The following CHPF2 variants were observed in gnomAD, a reference collection of about 807,000 sequenced individuals.
CHPF2 encodes chondroitin polymerizing factor 2, also known as chondroitin polymerizing factor 2, non-catalytic subunit.
Under a neutral mutation model 63.0 loss-of-function variants are expected in CHPF2, and 58 were observed. The observed-to-expected ratio is 0.92, with a 90% CI of 0.75 to 1.15. The LOEUF (loss-of-function observed/expected upper bound fraction) is 1.15, where lower values mean the gene tolerates loss of function less well. CHPF2 is among the 50% of genes most tolerant of loss of function. The pLI is 0.00. For missense variants in CHPF2, 1,045 were observed against 1,035.4 expected (o/e 1.01, Z -0.13); for synonymous variants, 442 against 438.0 (o/e 1.01, Z -0.11).
rs764713631 is a variant in CHPF2 at position 151,237,968 on chromosome 7, C to T, written c.1606C>T (p.Arg536Cys). ...GGTCTACGGGCCACGAGAAGGTGGC[C>T]GTGGAGCTCCAGACCCATTTCTTGG... ...LLVYGPREGGRGAPDPFLGVK... is the reference protein window; with the variant it reads ...LLVYGPREGGCGAPDPFLGVK... The change falls in exon 4 of 4, where the codon CGT becomes TGT. Residue 536 changes from arginine (R) to cysteine (C), a missense_variant. Coordinates refer to ENST00000035307, the MANE Select transcript of CHPF2 (RefSeq NM_019015.3). The T allele has an allele frequency of 8.1e-6, 13 of 1,613,050 alleles. No individual in the cohort carries two copies. Among genetic ancestry groups the T allele is most frequent in the South Asian group, 3.3e-5 (3 of 91,090 alleles).
Position 151,235,171 on chromosome 7 carries a change from T to A in CHPF2, c.387T>A (p.Pro129=). 6.2e-7 allele frequency: 1 copy of A among 1,613,382 alleles called. No homozygotes were observed. Among genetic ancestry groups the A allele is most frequent in the Non-Finnish European group, 8.5e-7 (1 of 1,179,694 alleles). Reference sequence around the variant, plus strand: ...ACCGTACGGTGGCCCATCACTTCCCTCGGTTACTCTACTTCACTGGGCAGC... The same window carrying A: ...ACCGTACGGTGGCCCATCACTTCCCACGGTTACTCTACTTCACTGGGCAGC... ...AVNRTVAHHF[P]RLLYFTGQRG... The change falls in exon 2 of 4, where the codon CCT becomes CCA. Residue 129 remains proline, a synonymous_variant. Coordinates refer to ENST00000035307, the MANE Select transcript of CHPF2 (RefSeq NM_019015.3).
At position 151,238,422 on chromosome 7, in the gene CHPF2, C is replaced by T. The variant is rs751797071; in HGVS notation, c.2060C>T (p.Ala687Val). The change falls in exon 4 of 4, where the codon GCA becomes GTA. Residue 687 changes from alanine (A) to valine (V), a missense_variant. Ala to Val is a moderately conservative substitution (Grantham distance 64, BLOSUM62 0). Transcript: ENST00000035307. ...ADYLAARARL[A>V]GELAGQEEEE... ...TACCTGGCGGCCCGAGCCCGGCTGG[C>T]AGGTGAACTGGCAGGCCAGGAAGAG... The T allele has an allele frequency of 3.1e-6, 5 of 1,594,804 alleles. No homozygotes were observed. In the Admixed American group the frequency reaches 5.2e-5, roughly 17 times the overall value.
chr7:151,233,553 T>C lies in CHPF2; in HGVS notation c.-459T>C, dbSNP rs1802536499. The C allele has an allele frequency of 1.0e-6, 1 of 986,554 alleles. No individual in the cohort carries two copies. Among genetic ancestry groups the C allele is most frequent in the African/African-American group, 1.7e-5 (1 of 57,302 alleles). The allele number at this position is 986,554 out of a possible 1,614,324, so 61.1% of individuals were successfully genotyped here. ...AAGGCCCACTGAGGCAGGCTCCGGC[T>C]CCTCTGGTTGGGGCTGTTGTTTTGA... On this transcript the variant is annotated 5_prime_UTR_variant, in exon 1 of 4. Coordinates refer to ENST00000035307, the MANE Select transcript of CHPF2 (RefSeq NM_019015.3).
At position 151,235,381 on chromosome 7, in the gene CHPF2, C is replaced by T; in HGVS notation, c.597C>T (p.Leu199=). 1.9e-6 allele frequency: 3 copies of T among 1,613,710 alleles called. No homozygotes were observed. Among genetic ancestry groups the T allele is most frequent in the Non-Finnish European group, 2.5e-6 (3 of 1,180,042 alleles). ...APRLAALAGH[L]SINQDLYLGR... ...GCCTGGCAGCCCTTGCTGGCCACCTCAGCATCAACCAAGACCTGTACTTAG... is the reference window on the plus strand; with the variant it reads ...GCCTGGCAGCCCTTGCTGGCCACCTTAGCATCAACCAAGACCTGTACTTAG... The change falls in exon 2 of 4, where the codon CTC becomes CTT. Residue 199 remains leucine, a synonymous_variant. Transcript: ENST00000035307.
At position 151,236,489 on chromosome 7, in the gene CHPF2, G is replaced by A. The variant is rs138616070; in HGVS notation, c.910G>A (p.Ala304Thr). 8 of 1,611,172 alleles carry A rather than the reference G, an allele frequency of 5.0e-6. No homozygotes were observed. Among genetic ancestry groups the A allele is most frequent in the Middle Eastern group, 1.6e-4 (1 of 6,072 alleles). Residue 304 changes from alanine to threonine, a missense_variant, in exon 3 of 4, where the codon GCC becomes ACC. Coordinates refer to ENST00000035307, the MANE Select transcript of CHPF2 (RefSeq NM_019015.3). ...GAGCTCGGCTTTCCTGAGTGCCTTC[G>A]CCGTGCACCCTGTCTCCGAAGGTAC... ...EGSSAFLSAF[A>T]VHPVSEGTLM...
rs925294842 is a variant in CHPF2 at position 151,232,536 on chromosome 7, C to T, written c.-1476C>T. 1.6e-5 allele frequency: 8 copies of T among 508,372 alleles called. No individual in the cohort carries two copies. Among genetic ancestry groups the T allele is most frequent in the Non-Finnish European group, 2.4e-5 (7 of 290,488 alleles). 31.5% of individuals were successfully genotyped at this position (508,372 alleles called of 1,614,324 possible). A position where few individuals can be genotyped will look rare whatever the true frequency, so the allele number is the denominator to read the frequency against. ...GTGGCAGCGGCTGCAGCGGCGGAGC[C>T]GGCGCCTCAGCGGGCACTGGGGTCT... On this transcript the variant is annotated 5_prime_UTR_variant, in exon 1 of 4. Coordinates refer to ENST00000035307, the MANE Select transcript of CHPF2 (RefSeq NM_019015.3).
chr7:151,233,883 C>T lies in CHPF2; in HGVS notation c.-129C>T, dbSNP rs187857941. On this transcript the variant is annotated 5_prime_UTR_variant, in exon 1 of 4. Transcript: ENST00000035307. ...GTCCTGGAAGCCAGCGGGCCTCGCT[C>T]TGTCTTTGGCCTCATTGACCCCAGG... is the stretch of plus-strand genomic sequence containing the variant. The T allele has an allele frequency of 5.4e-6, 7 of 1,308,006 alleles. No individual in the cohort carries two copies. In the Admixed American group the frequency reaches 2.0e-4, roughly 37 times the overall value. The allele number at this position is 1,308,006 out of a possible 1,614,324, so 81.0% of individuals were successfully genotyped here.
Position 151,232,630 on chromosome 7 carries a change from C to T in CHPF2, c.-1382C>T. On this transcript the variant is annotated 5_prime_UTR_variant, in exon 1 of 4. Transcript: ENST00000035307. ...ACGCCGCTCTTGGTCCCCACGCCTC[C>T]GCCCCGCCCCCTCCCGGGACGCCGG... 2.2e-6 allele frequency: 2 copies of T among 891,642 alleles called. No individual in the cohort carries two copies. The highest frequency in any genetic ancestry group is 1.8e-5 in the African/African-American group (1 of 55,984). 55.2% of individuals were successfully genotyped at this position (891,642 alleles called of 1,614,324 possible). A position where few individuals can be genotyped will look rare whatever the true frequency, so the allele number is the denominator to read the frequency against.
Position 151,237,739 on chromosome 7 carries a change from G to T in CHPF2, c.1377G>T (p.Arg459=). Residue 459 remains arginine (R), a synonymous_variant, in exon 4 of 4, where the codon CGG becomes CGT. Coordinates refer to ENST00000035307, the MANE Select transcript of CHPF2 (RefSeq NM_019015.3). ...AATGTGTGACACAGCGTGGGCACCG[G>T]CGGGCCCTGGCTCGCAGGGTCAGCC... ...LLECVTQRGH[R]RALARRVSLL... is the part of the protein sequence containing the mutation. 6.2e-7 allele frequency: 1 copy of T among 1,612,508 alleles called. No homozygotes were observed. The highest frequency in any genetic ancestry group is 8.5e-7 in the Non-Finnish European group (1 of 1,179,880).
At position 151,236,582 on chromosome 7, in the gene CHPF2, C is replaced by T; in HGVS notation, c.1003C>T (p.Gln335Ter). Residue 335 changes from glutamine (Q) to a stop codon, truncating the protein, a stop_gained, in exon 3 of 4, where the codon CAA becomes TAA. Coordinates refer to ENST00000035307, the MANE Select transcript of CHPF2 (RefSeq NM_019015.3). LOFTEE classifies it high-confidence loss of function. ...ELERAYSEIE[Q>*]LQAQIRNLTV... is the part of the protein sequence containing the mutation. ...GGAGCGGGCTTACAGTGAAATAGAA[C>T]AACTGCAGGTGAGCTGAAGAGGAGC... The T allele has an allele frequency of 6.3e-7, 1 of 1,577,342 alleles. No homozygotes were observed. The highest frequency in any genetic ancestry group is 8.6e-7 in the Non-Finnish European group (1 of 1,156,176).
rs774944536 is a variant in CHPF2, at chr7:151,238,047, C to A, written c.1685C>A (p.Ala562Asp). The A allele has an allele frequency of 5.0e-6, 8 of 1,612,596 alleles. No homozygotes were observed. In the Admixed American group the frequency reaches 8.3e-5, roughly 17 times the overall value. Residue 562 changes from alanine to aspartate, a missense_variant, in exon 4 of 4, where the codon GCC becomes GAC. By Grantham distance (126) the Ala-to-Asp change is moderately radical (BLOSUM62 -2). Transcript: ENST00000035307. ...CGACGGTACCCTGGGACGAGGCTGG[C>A]CTGGCTCGCTGTGCGAGCAGAGGCC... ...LERRYPGTRL[A>D]WLAVRAEAPS... is the part of the protein sequence containing the mutation.
Position 151,235,596 on chromosome 7 carries a change from G to A in CHPF2, c.812G>A (p.Cys271Tyr), listed in dbSNP as rs1364981200. The change falls in exon 2 of 4, where the codon TGT becomes TAT. Residue 271 changes from cysteine to tyrosine, a missense_variant. Coordinates refer to ENST00000035307, the MANE Select transcript of CHPF2 (RefSeq NM_019015.3). ...RCLIDSLGVG[C>Y]VSQHQGQQYR... ...CTCATTGACTCTCTGGGCGTCGGCT[G>A]TGTCTCACAGCACCAGGTGACAGCT... 9 of 1,604,630 alleles carry A rather than the reference G, an allele frequency of 5.6e-6. No individual in the cohort carries two copies. The highest frequency in any genetic ancestry group is 7.6e-6 in the Non-Finnish European group (9 of 1,177,028).
chr7:151,237,741 G>A lies in CHPF2; in HGVS notation c.1379G>A (p.Arg460Gln), dbSNP rs144589067. The change falls in exon 4 of 4, where the codon CGG becomes CAG. Residue 460 changes from arginine (R) to glutamine (Q), a missense_variant. Transcript: ENST00000035307. ...LECVTQRGHR[R>Q]ALARRVSLLR... The stretch of plus-strand genomic sequence containing the variant: ...TGTGTGACACAGCGTGGGCACCGGC[G>A]GGCCCTGGCTCGCAGGGTCAGCCTG... The A allele has an allele frequency of 4.0e-3, 6,527 of 1,612,520 alleles. 17 individuals carry two copies. Among genetic ancestry groups the A allele is most frequent in the Admixed American group, 5.2e-3 (312 of 60,026 alleles).
chr7:151,238,038 C>T lies in CHPF2; in HGVS notation c.1676C>T (p.Thr559Met), dbSNP rs28774985. The part of the protein sequence containing the change: ...AAELERRYPG[T>M]RLAWLAVRAE... Reference sequence around the variant, plus strand: ...GAGTTAGAGCGACGGTACCCTGGGACGAGGCTGGCCTGGCTCGCTGTGCGA... The same window carrying T: ...GAGTTAGAGCGACGGTACCCTGGGATGAGGCTGGCCTGGCTCGCTGTGCGA... The change falls in exon 4 of 4, where the codon ACG (threonine) becomes ATG (methionine). Residue 559 changes from threonine to methionine, a missense_variant. Coordinates refer to ENST00000035307, the MANE Select transcript of CHPF2 (RefSeq NM_019015.3). The T allele has an allele frequency of 1.1e-3, 1,803 of 1,612,770 alleles. 4 individuals are homozygous for T. The African/African-American group carries it at 0.015, about 13-fold the overall frequency.
chr7:151,233,984 G>A lies in CHPF2; in HGVS notation c.-28G>A. The A allele has an allele frequency of 6.8e-7, 1 of 1,476,014 alleles. No homozygotes were observed. The highest frequency in any genetic ancestry group is 9.0e-7 in the Non-Finnish European group (1 of 1,113,986). The allele number at this position is 1,476,014 out of a possible 1,614,324, so 91.4% of individuals were successfully genotyped here. On this transcript the variant is annotated 5_prime_UTR_variant, in exon 1 of 4. Coordinates refer to ENST00000035307, the MANE Select transcript of CHPF2 (RefSeq NM_019015.3). ...ATTGATCCTTGAGGCTGTGCCCCTG[G>A]GGCACCCACCTGGCAGGGCCTACCA...
rs898789700 is a variant in CHPF2, at chr7:151,235,271, AC to A, written c.490del (p.Leu164CysfsTer44). On this transcript the variant is annotated frameshift_variant, in exon 2 of 4. Transcript: ENST00000035307. LOFTEE classifies it high-confidence loss of function. ...DERPAWLMSE[T>X]LRHLHTHFGA... ...GCGGCCCGCCTGGCTCATGTCAGAG[AC>A]CCTGCGCCACCTTCACACACACTTT... 39 of 1,613,398 alleles carry A rather than the reference AC, an allele frequency of 2.4e-5. No homozygotes were observed. Among genetic ancestry groups the A allele is most frequent in the Non-Finnish European group, 2.8e-5 (33 of 1,179,818 alleles).
At position 151,238,407 on chromosome 7, in the gene CHPF2, C is replaced by T. The variant is rs747753861; in HGVS notation, c.2045C>T (p.Ala682Val). 2 of 1,600,128 alleles carry T rather than the reference C, an allele frequency of 1.2e-6. No individual in the cohort carries two copies. Among genetic ancestry groups the T allele is most frequent in the South Asian group, 1.1e-5 (1 of 89,704 alleles). Residue 682 changes from alanine to valine, a missense_variant, in exon 4 of 4, where the codon GCC becomes GTC. Coordinates refer to ENST00000035307, the MANE Select transcript of CHPF2 (RefSeq NM_019015.3). The part of the protein sequence containing the change: ...GCFYNADYLA[A>V]RARLAGELAG... ...TTCTACAACGCTGACTACCTGGCGG[C>T]CCGAGCCCGGCTGGCAGGTGAACTG...
At chr7:151,237,317 G>C in intron 3 of CHPF2, 57 bp from the exon 4 acceptor site, 1 of 1,400,286 alleles carries the variant, frequency 7.1e-7, no homozygotes. Context: ...CAGGCAGCTG[G>C]AGCTGGGTAG....
In CHPF2 at chr7:151,236,500, T is replaced by G; in HGVS notation, c.921T>G (p.Pro307=). The G allele has an allele frequency of 1.2e-6, 2 of 1,611,516 alleles. No individual in the cohort carries two copies. Among genetic ancestry groups the G allele is most frequent in the South Asian group, 1.1e-5 (1 of 91,002 alleles). The stretch of plus-strand genomic sequence containing the variant: ...TCCTGAGTGCCTTCGCCGTGCACCC[T>G]GTCTCCGAAGGTACCCTCATGTACC... ...SAFLSAFAVH[P]VSEGTLMYRL... The change falls in exon 3 of 4, where the codon CCT becomes CCG. Residue 307 remains proline, a synonymous_variant. Transcript: ENST00000035307.
Sources: gnomAD v4.1 joint callset for allele counts on GRCh38, gnomAD v4.1.1 for gene constraint, MANE v1.5 for transcripts, NCBI Gene and HGNC (gene_info 2026-07-23, HGNC 2026-07-21) for gene names.